The following LRP1B variants were observed in gnomAD, a reference collection of about 807,000 sequenced individuals.
LRP1B encodes LDL receptor related protein 1B, also known as low-density lipoprotein receptor-related protein 1B.
LRP1B carries 217 observed loss-of-function variants against 556.6 expected under a neutral mutation model. The observed-to-expected ratio is 0.39, with a 90% CI of 0.35 to 0.44. The LOEUF is 0.44. Among genes scored for constraint, LRP1B ranks in the 20% least tolerant of loss-of-function variants. LRP1B has a pLI of 1.00. For synonymous variants in LRP1B, 2,047 were observed against 1,865.8 expected, an observed-to-expected ratio of 1.10 and a Z score of -2.50; for missense variants, 5,053 against 5,620.8, an observed-to-expected ratio of 0.90 and a Z score of 3.23.
At chr2:141,677,744 C>T (rs1275709357) in intron 2 of LRP1B, among the ~76,000 whole-genome samples, 2 of 152,158 alleles carry the variant, frequency 1.3e-5, no homozygotes, top group Non-Finnish European at 2.9e-5. Flanking sequence ...CCGCCTTGGC[C>T]TCCCAAAGTG....
chr2:140,880,255 G>A (rs1225122295), intron 25 of LRP1B, among the ~76,000 whole-genome samples: 1 of 152,114 alleles, frequency 6.6e-6, no homozygotes, highest in Admixed American at 6.6e-5. Context: ...TAAAAATAAA[G>A]GCAATGAAAG....
intron 1 of LRP1B, among the ~76,000 whole-genome samples, chr2:142,035,643 G>A (rs1027630423): frequency 5.9e-5 from 9 of 151,474 alleles, no homozygotes; most frequent in Non-Finnish European, 5.9e-5. Flanking sequence ...TTCACGGGAA[G>A]GTCTAGTTTA....
chr2:140,892,838 A>C (rs997517000), intron 23 of LRP1B, among the ~76,000 whole-genome samples: 2 of 152,226 alleles, frequency 1.3e-5, no homozygotes, highest in South Asian at 2.1e-4. Flanking sequence ...TAGAAGTAAC[A>C]GAGTAGGTGC....
At chr2:141,566,327 T>C (rs1225844870) in intron 2 of LRP1B, among the ~76,000 whole-genome samples, 1 of 152,160 alleles carries the variant, frequency 6.6e-6, no homozygotes, top group Non-Finnish European at 1.5e-5. Context: ...TCACTTATAG[T>C]AAATGAAATT....
intron 41 of LRP1B, chr2:140,683,814 T>C: frequency 1.4e-6 from 1 of 689,996 alleles, no homozygotes; most frequent in Non-Finnish European, 2.5e-6. Context: ...GGCTAGGGGA[T>C]GCCTTCCATG....
At chr2:140,516,784 T>C in intron 50 of LRP1B, 105 bp downstream of exon 50, 1 of 1,052,044 alleles carries the variant, frequency 9.5e-7, no homozygotes, top group Non-Finnish European at 1.4e-6. Context: ...AAAATTAATG[T>C]TAAAATCAGC....
chr2:141,848,649 A>G (rs1340572424), intron 1 of LRP1B, among the ~76,000 whole-genome samples: 2 of 151,596 alleles, frequency 1.3e-5, no homozygotes, highest in Non-Finnish European at 3.0e-5. Context: ...AAATGTATAT[A>G]GATGAACTCT....
intron 83 of LRP1B, among the ~76,000 whole-genome samples, chr2:140,313,530 C>T (rs1558793038): frequency 6.6e-6 from 1 of 151,624 alleles, no homozygotes; most frequent in East Asian, 1.9e-4. Flanking sequence ...GTTTACTTGG[C>T]CTAAATATTT....
At chr2:141,285,861 T>C (rs1685697050) in intron 3 of LRP1B, among the ~76,000 whole-genome samples, 1 of 148,536 alleles carries the variant, frequency 6.7e-6, no homozygotes, top group South Asian at 2.1e-4. Flanking sequence ...GGTCAGGAGA[T>C]CGAGACCATC....
chr2:142,094,473 C>T (rs930800071), intron 1 of LRP1B, among the ~76,000 whole-genome samples: 3 of 151,886 alleles, frequency 2.0e-5, no homozygotes, highest in African/African-American at 4.8e-5. Context: ...ATAGCTATAG[C>T]GAAGGGTTCT....
intron 7 of LRP1B, among the ~76,000 whole-genome samples, chr2:141,089,348 A>G (rs749850407): frequency 6.6e-6 from 1 of 152,162 alleles, no homozygotes; most frequent in Non-Finnish European, 1.5e-5. Context: ...GTTAGGACCA[A>G]TTCTGAATTT....
rs185189584 is a variant in LRP1B, at chr2:142,112,160, G to A, written c.82+18488C>T. ...CACCACCCAGAAAACATTCCGCCCAGAAATGCTCAACCTTACTCTAGTCTA... is the reference window on the plus strand; with the variant it reads ...CACCACCCAGAAAACATTCCGCCCAAAAATGCTCAACCTTACTCTAGTCTA... On this transcript the variant is annotated intron_variant, in intron 1 of 90. Transcript: ENST00000389484. 2.1e-3 allele frequency among the ~76,000 whole-genome samples: 320 copies of A among 152,030 alleles called. 2 individuals carry two copies. Among genetic ancestry groups the A allele is most frequent in the Non-Finnish European group, 3.1e-3 (209 of 67,976 alleles).
intron 1 of LRP1B, among the ~76,000 whole-genome samples, chr2:141,900,569 T>C (rs1196645807): frequency 6.6e-6 from 1 of 152,074 alleles, no homozygotes; most frequent in African/African-American, 2.4e-5. Context: ...ATGAATTTCA[T>C]ACACAGATGA....
At chr2:141,733,431 G>T (rs1055228462) in intron 2 of LRP1B, among the ~76,000 whole-genome samples, 6 of 151,992 alleles carry the variant, frequency 3.9e-5, no homozygotes, top group Non-Finnish European at 8.8e-5. Context: ...TCTCTCACCT[G>T]ACTATTATAG....
chr2:142,014,835 C>T (rs1276711977), intron 1 of LRP1B, among the ~76,000 whole-genome samples: 2 of 151,800 alleles, frequency 1.3e-5, no homozygotes, highest in Non-Finnish European at 2.9e-5. Flanking sequence ...ATCAGCAGTC[C>T]CCAAAACCTA....
At chr2:142,070,964 C>A (rs1189666382) in intron 1 of LRP1B, among the ~76,000 whole-genome samples, 1 of 151,862 alleles carries the variant, frequency 6.6e-6, no homozygotes, top group Non-Finnish European at 1.5e-5. Flanking sequence ...TTTCATTCAC[C>A]AAATTATCTT....
intron 2 of LRP1B, among the ~76,000 whole-genome samples, chr2:141,562,719 A>T (rs1267130323): frequency 1.3e-5 from 2 of 151,990 alleles, no homozygotes; most frequent in Non-Finnish European, 2.9e-5. Flanking sequence ...GGCTAGATGT[A>T]TGAGCGTGCT....
chr2:141,968,240 C>T (rs993027497), intron 1 of LRP1B, among the ~76,000 whole-genome samples: 4 of 151,754 alleles, frequency 2.6e-5, no homozygotes, highest in African/African-American at 9.7e-5. Context: ...AGCCTTTGTC[C>T]ATTTTTTACA....
chr2:141,529,842 C>T (rs1401125184), intron 2 of LRP1B, among the ~76,000 whole-genome samples: 1 of 152,026 alleles, frequency 6.6e-6, no homozygotes, highest in Admixed American at 6.6e-5. Context: ...TGACAGCTTG[C>T]TGAATATAAA....
Sources: allele counts gnomAD v4.1 joint callset (sites outside exome capture counted in the v4.1 genomes callset), GRCh38; gene constraint gnomAD v4.1.1; transcripts MANE v1.5; gene names NCBI Gene and HGNC (gene_info 2026-07-23, HGNC 2026-07-21).